The following DLGAP4 variants were observed in gnomAD, a reference collection of about 807,000 sequenced individuals.
DLGAP4 encodes the protein disks large-associated protein 4.
Under a neutral mutation model 86.9 loss-of-function variants are expected in DLGAP4, and 18 were observed. The ratio of observed to expected loss-of-function variants is 0.21; its 90% CI spans 0.14 to 0.31. DLGAP4 has a LOEUF of 0.31. Ranked by LOEUF, DLGAP4 falls within the 10% of genes least tolerant of loss-of-function variation. DLGAP4 has a pLI of 1.00. For synonymous variants in DLGAP4, 548 were observed against 574.3 expected, an observed-to-expected ratio of 0.95 and a Z score of 0.65; for missense variants, 1,085 against 1,362.6, an observed-to-expected ratio of 0.80 and a Z score of 3.21.
Position 36,528,015 on chromosome 20 carries a change from C to T in DLGAP4, c.*984C>T, listed in dbSNP as rs888825325. ...ACCCATGCCCACCCAGCGCCGCCGCCGCTGGCTCTCGGGGCACCTGGCAGG... is the reference window on the plus strand; with the variant it reads ...ACCCATGCCCACCCAGCGCCGCCGCTGCTGGCTCTCGGGGCACCTGGCAGG... On this transcript the variant is annotated 3_prime_UTR_variant, in exon 13 of 13. Coordinates refer to ENST00000339266, the MANE Select transcript of DLGAP4 (RefSeq NM_001365621.2). 3 of 152,706 alleles carry T rather than the reference C, an allele frequency of 2.0e-5. No homozygotes were observed. Among genetic ancestry groups the T allele is most frequent in the Non-Finnish European group, 4.4e-5 (3 of 68,140 alleles). The allele number at this position is 152,706 out of a possible 1,614,324, so 9.5% of individuals were successfully genotyped here. A position where few individuals can be genotyped will look rare whatever the true frequency, so the allele number is the denominator to read the frequency against.
intron 1 of DLGAP4, among the ~76,000 whole-genome samples, chr20:36,338,905 C>G (rs1268133442): frequency 1.3e-5 from 2 of 152,020 alleles, no homozygotes; most frequent in Non-Finnish European, 2.9e-5. Flanking sequence ...GCAAAGGCAC[C>G]GAGGCAGGTG....
At chr20:36,318,842 T>C (rs2065137878) in intron 1 of DLGAP4, among the ~76,000 whole-genome samples, 2 of 152,176 alleles carry the variant, frequency 1.3e-5, no homozygotes, top group Admixed American at 1.3e-4. Flanking sequence ...GATTTTGTTT[T>C]TCATTACAAG....
chr20:36,322,684 A>T (rs2065180393), intron 1 of DLGAP4, among the ~76,000 whole-genome samples: 1 of 152,184 alleles, frequency 6.6e-6, no homozygotes, highest in South Asian at 2.1e-4. Flanking sequence ...GGGTCACATT[A>T]GTCCTGCTCA....
intron 7 of DLGAP4, among the ~76,000 whole-genome samples, chr20:36,467,064 C>CTCCCTCT (rs1555907464): frequency 8.5e-6 from 1 of 118,144 alleles, no homozygotes; most frequent in African/African-American, 4.9e-5. Context: ...CTCTCTCTCT[C>CTCCCTCT]CCCCCCCCTT....
At chr20:36,402,371 G>A (rs1413371030) in intron 2 of DLGAP4, among the ~76,000 whole-genome samples, 2 of 152,206 alleles carry the variant, frequency 1.3e-5, no homozygotes, top group African/African-American at 4.8e-5. Flanking sequence ...CTTTGGGTCT[G>A]TTAAATGGGC....
chr20:36,499,456 A>G, intron 8 of DLGAP4, 132 bp from the exon 9 acceptor site: 8 of 1,342,582 alleles, frequency 6.0e-6, no homozygotes, highest in Non-Finnish European at 8.3e-6. Flanking sequence ...CAGTGTCCGC[A>G]TGCCTCGTGT....
chr20:36,412,226 G>A (rs993602816), intron 2 of DLGAP4, among the ~76,000 whole-genome samples: 2 of 152,234 alleles, frequency 1.3e-5, no homozygotes, highest in South Asian at 2.1e-4. Context: ...AGTGGGGGCC[G>A]GAATGAAACA....
At chr20:36,478,054 G>A (rs2035024181) in intron 7 of DLGAP4, among the ~76,000 whole-genome samples, 2 of 152,232 alleles carry the variant, frequency 1.3e-5, no homozygotes, top group Non-Finnish European at 2.9e-5. Context: ...ATGGGCCTGT[G>A]AGGGAGGATA....
At chr20:36,471,266 A>G (rs1021831009) in intron 7 of DLGAP4, among the ~76,000 whole-genome samples, 8 of 152,162 alleles carry the variant, frequency 5.3e-5, no homozygotes, top group African/African-American at 1.9e-4. Flanking sequence ...AGGCAGGCAG[A>G]TCACAAAGTC....
At chr20:36,476,068 A>T (rs1221445281) in intron 7 of DLGAP4, among the ~76,000 whole-genome samples, 1 of 151,996 alleles carries the variant, frequency 6.6e-6, no homozygotes, top group Admixed American at 6.6e-5. Context: ...CATGTTGGCC[A>T]GGCTGGTCTC....
chr20:36,331,134 C>T (rs966601704), intron 1 of DLGAP4, among the ~76,000 whole-genome samples: 128 of 152,200 alleles, frequency 8.4e-4, no homozygotes, highest in African/African-American at 2.8e-3. Flanking sequence ...GGCTTCCTCT[C>T]TCACCTGTGG....
rs764699316 is a variant in DLGAP4 at position 36,497,079 on chromosome 20, T to C, written c.2010+13T>C. 4 of 1,575,576 alleles carry C rather than the reference T, an allele frequency of 2.5e-6. No individual in the cohort carries two copies. In the South Asian group the frequency reaches 3.5e-5, roughly 14 times the overall value. On this transcript the variant is annotated intron_variant, in intron 8 of 12. Transcript: ENST00000339266. ...GATAGGAATACAAGTAGGGGCTCCTTTTGCACTCTGTGTCCTCAGCCCACT... is the reference window on the plus strand; with the variant it reads ...GATAGGAATACAAGTAGGGGCTCCTCTTGCACTCTGTGTCCTCAGCCCACT...
chr20:36,380,678 G>T (rs966116429), intron 2 of DLGAP4, among the ~76,000 whole-genome samples: 4 of 145,150 alleles, frequency 2.8e-5, no homozygotes, highest in Non-Finnish European at 4.5e-5. Flanking sequence ...TCAGAGGCAG[G>T]CAGGCAAGCC....
intron 2 of DLGAP4, among the ~76,000 whole-genome samples, chr20:36,371,232 G>A (rs1028704678): frequency 6.6e-6 from 1 of 152,208 alleles, no homozygotes; most frequent in Admixed American, 6.5e-5. Flanking sequence ...TGACACTAGG[G>A]ACATGTCATG....
intron 8 of DLGAP4, chr20:36,499,047 C>T: frequency 1.7e-6 from 1 of 580,142 alleles, no homozygotes. Context: ...GAACTGCCGT[C>T]CAGGGTTTGC....
intron 7 of DLGAP4, among the ~76,000 whole-genome samples, chr20:36,491,167 G>A (rs1455077522): frequency 6.6e-6 from 1 of 151,890 alleles, no homozygotes; most frequent in Non-Finnish European, 1.5e-5. Flanking sequence ...ACTCCAGCCT[G>A]GGCGACAGAA....
chr20:36,355,460 C>A (rs1555893762), intron 1 of DLGAP4, among the ~76,000 whole-genome samples: 1 of 152,134 alleles, frequency 6.6e-6, no homozygotes, highest in Admixed American at 6.5e-5. Context: ...CCATGCCCAG[C>A]TAATTTTTGT....
intron 2 of DLGAP4, among the ~76,000 whole-genome samples, chr20:36,412,444 T>A (rs1437888254): frequency 6.6e-6 from 1 of 152,226 alleles, no homozygotes; most frequent in Non-Finnish European, 1.5e-5. Context: ...GGTGGCCAAC[T>A]GGACATTGTC....
At chr20:36,307,321 C>G (rs534678854) in intron 1 of DLGAP4, among the ~76,000 whole-genome samples, 39 of 152,304 alleles carry the variant, frequency 2.6e-4, no homozygotes, top group Non-Finnish European at 2.5e-4. Context: ...ATGTGCTGGG[C>G]CTGCTGGAAG....
Sources: gnomAD v4.1 joint callset for allele counts (sites outside exome capture counted in the v4.1 genomes callset) on GRCh38, gnomAD v4.1.1 for gene constraint, MANE v1.5 for transcripts, NCBI Gene and HGNC (gene_info 2026-07-23, HGNC 2026-07-21) for gene names.